Variants in GABRB2 observed in about 807,000 individuals in gnomAD.
GABRB2 encodes gamma-aminobutyric acid type A receptor subunit beta2, also known as gamma-aminobutyric acid receptor subunit beta-2.
GABRB2 carries 16 observed loss-of-function variants against 54.7 expected under a neutral mutation model. That is an observed-to-expected ratio of 0.29 (90% CI 0.20 to 0.44). The LOEUF is 0.44. GABRB2 is among the 20% of genes least tolerant of loss of function. The pLI is 1.00. For synonymous variants in GABRB2, 244 were observed against 233.8 expected (o/e 1.04, Z -0.40); for missense variants, 355 against 644.0 (o/e 0.55, Z 4.86).
chr5:161,479,744 C>T (rs576249417), intron 3 of GABRB2, among the ~76,000 whole-genome samples: 18 of 151,954 alleles, frequency 1.2e-4, no homozygotes, highest in Admixed American at 2.0e-4. Context: ...TGCATGCCAC[C>T]ACAACTGGCT....
intron 9 of GABRB2, among the ~76,000 whole-genome samples, chr5:161,316,652 G>C (rs1271093044): frequency 6.6e-6 from 1 of 151,692 alleles, no homozygotes; most frequent in African/African-American, 2.4e-5. Context: ...CTGTTGCCCA[G>C]GCTGGAGTGC....
At position 161,326,427 on chromosome 5, in the gene GABRB2, G is replaced by A. The variant is rs778043824; in HGVS notation, c.1132C>T (p.Pro378Ser). ...NGTQYRSLWD[P>S]TGNLSPTRRT... Reference sequence around the variant, plus strand: ...CTAGTTGGGGAGAGGTTTCCAGTAGGGTCCCACAAGGATCGATATTGGGTC... The same window carrying A: ...CTAGTTGGGGAGAGGTTTCCAGTAGAGTCCCACAAGGATCGATATTGGGTC... The change falls in exon 9 of 10, where the codon CCT (proline) becomes TCT (serine). Residue 378 changes from proline (P) to serine (S), a missense_variant. Transcript: ENST00000393959. 1 of 1,613,600 alleles carries A rather than the reference G, an allele frequency of 6.2e-7. No homozygotes were observed. Among genetic ancestry groups the A allele is most frequent in the South Asian group, 1.1e-5 (1 of 91,040 alleles).
chr5:161,382,088 G>T (rs1018917836), intron 5 of GABRB2, among the ~76,000 whole-genome samples: 1 of 152,136 alleles, frequency 6.6e-6, no homozygotes, highest in African/African-American at 2.4e-5. Context: ...CTGTGCAAAT[G>T]AAGAAAATAT....
intron 9 of GABRB2, among the ~76,000 whole-genome samples, chr5:161,310,515 T>C (rs944844666): frequency 2.0e-5 from 3 of 152,162 alleles, no homozygotes; most frequent in Non-Finnish European, 4.4e-5. Context: ...CCCATGCCTA[T>C]GCATGATTTT....
At chr5:161,332,568 T>C (rs1481585817) in intron 7 of GABRB2, among the ~76,000 whole-genome samples, 1 of 152,194 alleles carries the variant, frequency 6.6e-6, no homozygotes, top group Non-Finnish European at 1.5e-5. Flanking sequence ...GTCCTGAATA[T>C]GATAAAGTCC....
At chr5:161,506,633 C>T (rs542564370) in intron 3 of GABRB2, among the ~76,000 whole-genome samples, 1 of 152,124 alleles carries the variant, frequency 6.6e-6, no homozygotes, top group South Asian at 2.1e-4. Context: ...GTGAGAAAGA[C>T]TTGATGACAT....
chr5:161,366,304 A>T (rs1211799576), intron 5 of GABRB2, among the ~76,000 whole-genome samples: 2 of 152,044 alleles, frequency 1.3e-5, no homozygotes, highest in Non-Finnish European at 2.9e-5. Context: ...TGACCAAAGA[A>T]TACCTATTAT....
intron 3 of GABRB2, among the ~76,000 whole-genome samples, chr5:161,464,696 A>T (rs1758224628): frequency 6.6e-6 from 1 of 152,206 alleles, no homozygotes; most frequent in Non-Finnish European, 1.5e-5. Flanking sequence ...TCCCTGAAAC[A>T]GAATACTACT....
intron 3 of GABRB2, among the ~76,000 whole-genome samples, chr5:161,467,422 C>T (rs1581010570): frequency 6.6e-6 from 1 of 152,006 alleles, no homozygotes; most frequent in East Asian, 1.9e-4. Flanking sequence ...TAAGACAAGG[C>T]TAATGTTTTT....
chr5:161,512,108 C>T (rs576479192), intron 3 of GABRB2, among the ~76,000 whole-genome samples: 1 of 152,016 alleles, frequency 6.6e-6, no homozygotes, highest in South Asian at 2.1e-4. Flanking sequence ...TTAAAAGTGA[C>T]TATTCCATGC....
intron 9 of GABRB2, among the ~76,000 whole-genome samples, chr5:161,316,704 TG>T (rs1210392014): frequency 2.0e-5 from 3 of 152,058 alleles, no homozygotes; most frequent in Non-Finnish European, 2.9e-5. Flanking sequence ...CTCCATCTCC[TG>T]GGTTCAAGCG....
chr5:161,389,103 A>G (rs1376858366), intron 5 of GABRB2, among the ~76,000 whole-genome samples: 1 of 152,024 alleles, frequency 6.6e-6, no homozygotes, highest in East Asian at 1.9e-4. Flanking sequence ...TTACTTACCT[A>G]TAAAATTGGA....
At chr5:161,336,438 C>T (rs960035830) in intron 6 of GABRB2, among the ~76,000 whole-genome samples, 194 bp downstream of exon 6, 2 of 152,118 alleles carry the variant, frequency 1.3e-5, no homozygotes, top group Non-Finnish European at 2.9e-5. Flanking sequence ...CTCAGCTCTG[C>T]TGGGGTGGCC....
At chr5:161,385,336 C>T (rs1211560875) in intron 5 of GABRB2, among the ~76,000 whole-genome samples, 1 of 152,166 alleles carries the variant, frequency 6.6e-6, no homozygotes, top group Non-Finnish European at 1.5e-5. Context: ...AAACTTTTTG[C>T]AGCAAATTTC....
chr5:161,414,990 G>A (rs956598866), intron 4 of GABRB2, among the ~76,000 whole-genome samples: 2 of 152,086 alleles, frequency 1.3e-5, no homozygotes, highest in Non-Finnish European at 2.9e-5. Context: ...ATTTATAACA[G>A]AGCTGTTTCT....
intron 5 of GABRB2, among the ~76,000 whole-genome samples, chr5:161,383,908 T>C (rs970531945): frequency 6.6e-6 from 1 of 152,196 alleles, no homozygotes; most frequent in Non-Finnish European, 1.5e-5. Flanking sequence ...TATATGTGTG[T>C]GTATATACAC....
intron 1 of GABRB2, 72 bp from the exon 2 acceptor site, chr5:161,546,485 A>G (rs1014630078): frequency 5.7e-6 from 9 of 1,568,250 alleles, no homozygotes; most frequent in Non-Finnish European, 7.9e-6. Context: ...TCGGATCCCT[A>G]CTACATTTCC....
In GABRB2 at chr5:161,376,366, G is replaced by T. The variant is rs182748000; in HGVS notation, c.541+34609C>A. The stretch of plus-strand genomic sequence containing the variant: ...AACCATGGTGTCAAGAGAATTCTAG[G>T]ATACAGAGGAATTTGAACTTTATAA... On this transcript the variant is annotated intron_variant, in intron 5 of 9. Coordinates refer to ENST00000393959, the MANE Select transcript of GABRB2 (RefSeq NM_001371727.1). Among the ~76,000 whole-genome samples, 701 of 152,196 alleles carry T rather than the reference G, an allele frequency of 4.6e-3. 4 individuals are homozygous for T. Among genetic ancestry groups the T allele is most frequent in the African/African-American group, 0.016 (675 of 41,544 alleles).
At chr5:161,511,793 T>G (rs748483593) in intron 3 of GABRB2, among the ~76,000 whole-genome samples, 3 of 151,994 alleles carry the variant, frequency 2.0e-5, no homozygotes, top group African/African-American at 7.2e-5. Context: ...TGTCTTCCCA[T>G]TATGAATGTC....
Sources: gnomAD v4.1 joint callset for allele counts (sites outside exome capture counted in the v4.1 genomes callset) on GRCh38, gnomAD v4.1.1 for gene constraint, MANE v1.5 for transcripts, NCBI Gene and HGNC (gene_info 2026-07-23, HGNC 2026-07-21) for gene names.